Variants in METTL15 observed in about 807,000 individuals in gnomAD.
The protein encoded by METTL15 is 12S rRNA N(4)-cytidine methyltransferase METTL15.
METTL15 carries 34 observed loss-of-function variants against 38.3 expected under a neutral mutation model. That is an observed-to-expected ratio of 0.89 (90% CI 0.68 to 1.18). METTL15 has a LOEUF of 1.18. METTL15 is among the 50% of genes most tolerant of loss of function. METTL15 has a pLI of 0.00. For missense variants in METTL15, 438 were observed against 498.4 expected, an observed-to-expected ratio of 0.88 and a Z score of 1.15; for synonymous variants, 162 against 170.9, an observed-to-expected ratio of 0.95 and a Z score of 0.41.
intron 4 of METTL15, among the ~76,000 whole-genome samples, chr11:28,235,597 GCTCT>G (rs1853920257): frequency 6.6e-6 from 1 of 152,022 alleles, no homozygotes; most frequent in Admixed American, 6.6e-5. Context: ...TCATGATTTG[GCTCT>G]CTGTTTGTCT....
At chr11:28,451,367 C>T (rs1486030100) in intron 6 of METTL15, among the ~76,000 whole-genome samples, 1 of 151,964 alleles carries the variant, frequency 6.6e-6, no homozygotes, top group African/African-American at 2.4e-5. Flanking sequence ...AGGCGGATCA[C>T]GAGGTCAGGA....
chr11:28,497,617 G>A (rs1363963315), intron 6 of METTL15, among the ~76,000 whole-genome samples: 1 of 152,166 alleles, frequency 6.6e-6, no homozygotes, highest in African/African-American at 2.4e-5. Context: ...TCTAGAGGCT[G>A]GGAAGTCCAT....
At chr11:28,448,084 A>G (rs957654685) in intron 6 of METTL15, among the ~76,000 whole-genome samples, 4 of 152,150 alleles carry the variant, frequency 2.6e-5, no homozygotes, top group African/African-American at 9.7e-5. Context: ...CAGCAGCCTC[A>G]TAACTACTCT....
chr11:28,505,201 CAT>C (rs1332863132), intron 6 of METTL15, among the ~76,000 whole-genome samples: 1 of 150,816 alleles, frequency 6.6e-6, no homozygotes, highest in Admixed American at 6.6e-5. Context: ...TTTTTTTTAA[CAT>C]AGAGATTCGG....
At chr11:28,376,358 G>A (rs1223881861) in intron 5 of METTL15, among the ~76,000 whole-genome samples, 1 of 152,124 alleles carries the variant, frequency 6.6e-6, no homozygotes, top group South Asian at 2.1e-4. Flanking sequence ...CCTGTATTGG[G>A]TGCATATATA....
rs897583635 is a variant in METTL15 at position 28,332,430 on chromosome 11, C to T, written c.*1589C>T. On this transcript the variant is annotated 3_prime_UTR_variant, in exon 7 of 7. Transcript: ENST00000407364. Reference sequence around the variant, plus strand: ...CATTTGTATATTCAACAATCTTTCACCTATTTCATAAGTCATTTTTTCACC... The same window carrying T: ...CATTTGTATATTCAACAATCTTTCATCTATTTCATAAGTCATTTTTTCACC... 3.9e-5 allele frequency: 6 copies of T among 151,980 alleles called. No individual in the cohort carries two copies. The highest frequency in any genetic ancestry group is 3.3e-4 in the Admixed American group (5 of 15,248). 9.4% of individuals were successfully genotyped at this position (151,980 alleles called of 1,614,324 possible).
intron 6 of METTL15, among the ~76,000 whole-genome samples, chr11:28,443,341 G>A (rs563748859): frequency 2.6e-5 from 4 of 152,198 alleles, no homozygotes; most frequent in Admixed American, 2.0e-4. Context: ...CCTTTGCTGA[G>A]TTCTCCCTAT....
At chr11:28,272,250 T>C (rs1052686667) in intron 4 of METTL15, among the ~76,000 whole-genome samples, 2 of 152,164 alleles carry the variant, frequency 1.3e-5, no homozygotes, top group Non-Finnish European at 1.5e-5. Flanking sequence ...ATAATTCTAC[T>C]ATAAAGACAC....
intron 6 of METTL15, among the ~76,000 whole-genome samples, chr11:28,303,840 A>G (rs376962752): frequency 2.6e-5 from 4 of 152,314 alleles, no homozygotes; most frequent in African/African-American, 9.6e-5. Context: ...AGTCTTCAGT[A>G]TAAATTAAAG....
At chr11:28,223,869 C>A (rs1045332350) in intron 4 of METTL15, among the ~76,000 whole-genome samples, 1 of 151,886 alleles carries the variant, frequency 6.6e-6, no homozygotes, top group Non-Finnish European at 1.5e-5. Context: ...GACTTTTTAA[C>A]GTAGTGGAAG....
intron 6 of METTL15, among the ~76,000 whole-genome samples, chr11:28,308,960 G>A (rs1857178744): frequency 6.6e-6 from 1 of 151,960 alleles, no homozygotes; most frequent in African/African-American, 2.4e-5. Context: ...ATGGCAAGAT[G>A]GATAGCCATT....
intron 6 of METTL15, among the ~76,000 whole-genome samples, chr11:28,518,124 A>G (rs1851734004): frequency 6.6e-6 from 1 of 152,192 alleles, no homozygotes; most frequent in South Asian, 2.1e-4. Flanking sequence ...GCAGGCCAAT[A>G]GCAAAATGAA....
chr11:28,484,983 A>G (rs973651392), intron 6 of METTL15, among the ~76,000 whole-genome samples: 3 of 152,096 alleles, frequency 2.0e-5, no homozygotes, highest in Non-Finnish European at 4.4e-5. Flanking sequence ...AGACAAATAA[A>G]GGGCTAAACT....
At chr11:28,324,523 A>C (rs565419098) in intron 6 of METTL15, among the ~76,000 whole-genome samples, 2 of 152,206 alleles carry the variant, frequency 1.3e-5, no homozygotes, top group African/African-American at 4.8e-5. Context: ...AGGTATAATT[A>C]AGTGCATGCA....
At chr11:28,157,842 G>T (rs947929661) in intron 3 of METTL15, among the ~76,000 whole-genome samples, 3 of 152,300 alleles carry the variant, frequency 2.0e-5, no homozygotes, top group Non-Finnish European at 4.4e-5. Context: ...CCTATGATCA[G>T]TTGACAGCGG....
At chr11:28,381,928 G>A (rs1380376629) in intron 5 of METTL15, among the ~76,000 whole-genome samples, 2 of 148,992 alleles carry the variant, frequency 1.3e-5, no homozygotes, top group African/African-American at 2.5e-5. Flanking sequence ...TTTTTTTTTT[G>A]TGTGGATGTA....
rs1211133616 is a variant in METTL15, at chr11:28,241,313, C to T, written c.407+30115C>T. ...CTTTGGGAGGCTGAGGCAGGCGGAT[C>T]GCAAGGTCAGGAGATCAAGACCATC... On this transcript the variant is annotated intron_variant, in intron 4 of 6. Coordinates refer to ENST00000407364, the MANE Select transcript of METTL15 (RefSeq NM_001113528.2). 1.2e-4 allele frequency among the ~76,000 whole-genome samples: 18 copies of T among 151,822 alleles called. No individual in the cohort carries two copies. In the East Asian group the frequency reaches 1.4e-3, roughly 11 times the overall value.
intron 5 of METTL15, among the ~76,000 whole-genome samples, chr11:28,366,714 G>A (rs543503449): frequency 1.4e-4 from 21 of 152,236 alleles, no homozygotes; most frequent in African/African-American, 5.1e-4. Context: ...AAGACAAGAG[G>A]AGGAATGAAG....
At chr11:28,112,833 A>G (rs768951058) in intron 2 of METTL15, among the ~76,000 whole-genome samples, 2 of 152,144 alleles carry the variant, frequency 1.3e-5, no homozygotes, top group Non-Finnish European at 2.9e-5. Flanking sequence ...GTCTCTGAAG[A>G]TGAGAATTTA....
Sources: gnomAD v4.1 joint callset for allele counts (sites outside exome capture counted in the v4.1 genomes callset) on GRCh38, gnomAD v4.1.1 for gene constraint, MANE v1.5 for transcripts, NCBI Gene and HGNC (gene_info 2026-07-23, HGNC 2026-07-21) for gene names.